The following PCDHA8 variants were observed in gnomAD, a reference collection of about 807,000 sequenced individuals.
PCDHA8 encodes protocadherin alpha-8.
In PCDHA8, 53 loss-of-function variants were observed where a neutral mutation model predicts 61.8. The ratio of observed to expected loss-of-function variants is 0.86; its 90% CI spans 0.69 to 1.08. The LOEUF is 1.08. Ranked by LOEUF, PCDHA8 falls within the 50% of genes least tolerant of loss-of-function variation. The pLI is 0.00. For missense variants in PCDHA8, 1,293 were observed against 1,245.0 expected, an observed-to-expected ratio of 1.04 and a Z score of -0.58; for synonymous variants, 618 against 556.6, an observed-to-expected ratio of 1.11 and a Z score of -1.55.
At chr5:140,949,336 A>G (rs1585327315) in intron 1 of PCDHA8, among the ~76,000 whole-genome samples, 1 of 151,920 alleles carries the variant, frequency 6.6e-6, no homozygotes, top group South Asian at 2.1e-4. Context: ...ATTGTTATCC[A>G]GATTTTCTGT....
At chr5:140,887,776 G>T (rs2061574225) in intron 1 of PCDHA8, among the ~76,000 whole-genome samples, 1 of 152,036 alleles carries the variant, frequency 6.6e-6, no homozygotes, top group Non-Finnish European at 1.5e-5. Context: ...CAATGACACA[G>T]GTCATTGAAG....
chr5:140,980,684 G>GAA (rs782726576), intron 2 of PCDHA8, among the ~76,000 whole-genome samples: 2 of 145,064 alleles, frequency 1.4e-5, no homozygotes, highest in African/African-American at 5.1e-5. Context: ...TTTTCAAATT[G>GAA]AAAAAAAAAA....
chr5:141,011,501 A>G lies in PCDHA8; in HGVS notation c.*1564A>G, dbSNP rs548038544. ...ATATTTCCTTTTGTACACCTGTGAA[A>G]AAGTGGAGTAGTGTTTTTTTAACCA... On this transcript the variant is annotated 3_prime_UTR_variant, in exon 4 of 4. Coordinates refer to ENST00000531613, the MANE Select transcript of PCDHA8 (RefSeq NM_018911.3). 1.3e-5 allele frequency: 2 copies of G among 153,894 alleles called. No individual in the cohort carries two copies. Among genetic ancestry groups the G allele is most frequent in the African/African-American group, 4.8e-5 (2 of 41,578 alleles). 9.5% of individuals were successfully genotyped at this position (153,894 alleles called of 1,614,324 possible).
At chr5:140,872,547 A>G (rs1438827788) in intron 1 of PCDHA8, among the ~76,000 whole-genome samples, 1 of 152,128 alleles carries the variant, frequency 6.6e-6, no homozygotes, top group Non-Finnish European at 1.5e-5. Context: ...GGATCCCCTG[A>G]ACCCAGGGGT....
intron 1 of PCDHA8, chr5:140,883,991 G>C: frequency 6.2e-7 from 1 of 1,612,972 alleles, no homozygotes; most frequent in South Asian, 1.1e-5. Flanking sequence ...CAGCGCGGGA[G>C]GCACAGTGAG....
Position 140,908,264 on chromosome 5 carries a change from C to T in PCDHA8, c.2394+64549C>T, listed in dbSNP as rs184452768. Among the ~76,000 whole-genome samples the T allele has an allele frequency of 2.1e-4, 32 of 152,244 alleles. 1 individual carries two copies. Among genetic ancestry groups the T allele is most frequent in the African/African-American group, 6.3e-4 (26 of 41,538 alleles). Reference sequence around the variant, plus strand: ...CCTCATCAACTGATCATAGGGAACTCCCCATGAGGCCATTGTTGCAAGCTG... The same window carrying T: ...CCTCATCAACTGATCATAGGGAACTTCCCATGAGGCCATTGTTGCAAGCTG... On this transcript the variant is annotated intron_variant, in intron 1 of 3. Coordinates refer to ENST00000531613, the MANE Select transcript of PCDHA8 (RefSeq NM_018911.3).
intron 1 of PCDHA8, among the ~76,000 whole-genome samples, chr5:140,909,547 C>T (rs2074573960): frequency 1.3e-5 from 2 of 152,278 alleles, no homozygotes; most frequent in Non-Finnish European, 2.9e-5. Context: ...GATGGTGGCA[C>T]TAATCTCTGC....
At chr5:140,912,237 A>T (rs2075827332) in intron 1 of PCDHA8, among the ~76,000 whole-genome samples, 2 of 152,122 alleles carry the variant, frequency 1.3e-5, no homozygotes, top group South Asian at 4.2e-4. Flanking sequence ...CACTGACTCA[A>T]ATGTTAATCT....
In PCDHA8 at chr5:141,005,964, A is replaced by G. The variant is rs189203283; in HGVS notation, c.2543-3663A>G. On this transcript the variant is annotated intron_variant, in intron 3 of 3. Transcript: ENST00000531613. The stretch of plus-strand genomic sequence containing the variant: ...CCTATCTCTAACAAACAACAATAAA[A>G]AAACAATTCCAAAGAGTGTTTGAGG... 1.8e-3 allele frequency among the ~76,000 whole-genome samples: 274 copies of G among 152,152 alleles called. 1 individual carries two copies. Among genetic ancestry groups the G allele is most frequent in the Middle Eastern group, 6.8e-3 (2 of 294 alleles).
intron 3 of PCDHA8, among the ~76,000 whole-genome samples, chr5:141,008,870 C>G (rs539100133): frequency 1.4e-4 from 22 of 152,126 alleles, no homozygotes; most frequent in Non-Finnish European, 7.3e-5. Flanking sequence ...ATGCTGCATC[C>G]CACCACCCTT....
chr5:140,938,118 T>G (rs1554211986), intron 1 of PCDHA8, among the ~76,000 whole-genome samples: 1 of 152,178 alleles, frequency 6.6e-6, no homozygotes. Context: ...TCTCTCTTTT[T>G]TTAAAAAAAT....
intron 1 of PCDHA8, chr5:140,876,996 G>T (rs1554169201): frequency 1.2e-6 from 2 of 1,612,618 alleles, no homozygotes; most frequent in East Asian, 2.2e-5. Context: ...CGAGCTACGT[G>T]TCGGTGCACG....
chr5:140,967,017 C>T, intron 1 of PCDHA8: 1 of 1,606,892 alleles, frequency 6.2e-7, no homozygotes, highest in Non-Finnish European at 8.5e-7. Context: ...CATCTGGGTG[C>T]GCCCAGTCCG....
At chr5:140,866,703 G>T (rs553518884) in intron 1 of PCDHA8, 45 of 152,224 alleles carry the variant, frequency 3.0e-4, no homozygotes, top group African/African-American at 1.1e-3. Context: ...AGTGGATGAC[G>T]TGCACTAGTA....
chr5:140,870,297 C>T, intron 1 of PCDHA8: 1 of 1,614,186 alleles, frequency 6.2e-7, no homozygotes, highest in Non-Finnish European at 8.5e-7. Context: ...AGCTGGTGTC[C>T]ACCTTCAAGA....
chr5:141,010,374 C>A lies in PCDHA8; in HGVS notation c.*437C>A. 2 of 1,459,768 alleles carry A rather than the reference C, an allele frequency of 1.4e-6. No homozygotes were observed. Among genetic ancestry groups the A allele is most frequent in the South Asian group, 1.4e-5 (1 of 73,044 alleles). 90.4% of individuals were successfully genotyped at this position (1,459,768 alleles called of 1,614,324 possible). On this transcript the variant is annotated 3_prime_UTR_variant, in exon 4 of 4. Coordinates refer to ENST00000531613, the MANE Select transcript of PCDHA8 (RefSeq NM_018911.3). ...TGTGGCTACCGCGGGTATGCGAGTG[C>A]CAGATATTGGCTGAGACGAGCCAGC...
At chr5:140,886,515 G>C (rs1554182564) in intron 1 of PCDHA8, among the ~76,000 whole-genome samples, 1 of 151,972 alleles carries the variant, frequency 6.6e-6, no homozygotes, top group East Asian at 1.9e-4. Context: ...TGGATTTTAA[G>C]GTCTGCATAT....
chr5:141,008,641 T>G (rs569373015), intron 3 of PCDHA8, among the ~76,000 whole-genome samples: 1 of 152,344 alleles, frequency 6.6e-6, no homozygotes, highest in Admixed American at 6.5e-5. Context: ...TAACAATTTC[T>G]TCTTCTGGAG....
chr5:140,877,247 C>T (rs782249614), intron 1 of PCDHA8: 1 of 1,613,680 alleles, frequency 6.2e-7, no homozygotes, highest in African/African-American at 1.3e-5. Context: ...CACGTGGTGG[C>T]GAAAGTGCGC....
Sources: allele counts gnomAD v4.1 joint callset (sites outside exome capture counted in the v4.1 genomes callset), GRCh38; gene constraint gnomAD v4.1.1; transcripts MANE v1.5; gene names NCBI Gene and HGNC (gene_info 2026-07-23, HGNC 2026-07-21).